UPF2: variants seen among roughly 807,000 people sequenced by gnomAD.
UPF2 encodes regulator of nonsense transcripts 2.
UPF2 carries 17 observed loss-of-function variants against 141.4 expected under a neutral mutation model. The ratio of observed to expected loss-of-function variants is 0.12; its 90% CI spans 0.08 to 0.18. UPF2 has a LOEUF of 0.18. Ranked by LOEUF, UPF2 falls within the 10% of genes least tolerant of loss-of-function variation. The probability of loss-of-function intolerance (pLI) is 1.00; values close to 1 mark genes in which losing one functional copy is unlikely to be tolerated. For synonymous variants in UPF2, 540 were observed against 498.0 expected, an observed-to-expected ratio of 1.08 and a Z score of -1.12; for missense variants, 1,152 against 1,515.9, an observed-to-expected ratio of 0.76 and a Z score of 3.99.
chr10:11,921,159 C>T lies in UPF2; in HGVS notation c.*139G>A. ...GGCTGGTGTTTCTGCCTCCTGGCCC[C>T]AGCCTGTCCCAGGTTTAGATTCGCA... On this transcript the variant is annotated 3_prime_UTR_variant, in exon 22 of 22. Coordinates refer to ENST00000357604, the MANE Select transcript of UPF2 (RefSeq NM_015542.4). This position sits in a 1 kb window ranked among gnomAD's most constrained non-coding sequence, Gnocchi z 5.9. The T allele has an allele frequency of 8.3e-7, 1 of 1,208,680 alleles. No individual in the cohort carries two copies. The highest frequency in any genetic ancestry group is 1.7e-5 in the Admixed American group (1 of 59,418). 74.9% of individuals were successfully genotyped at this position (1,208,680 alleles called of 1,614,324 possible).
At chr10:11,993,133 G>T (rs753951464) in intron 8 of UPF2, among the ~76,000 whole-genome samples, 50 of 128,514 alleles carry the variant, frequency 3.9e-4, no homozygotes, top group Non-Finnish European at 6.6e-4. Flanking sequence ...TTGGGTGACA[G>T]AGTGAGGCTC....
At chr10:12,043,077 G>C (rs887503823), upstream of UPF2, 2 of 152,356 alleles carry the variant, frequency 1.3e-5, no homozygotes, top group African/African-American at 4.8e-5. Flanking sequence ...AGGCTCATAT[G>C]AGTGCCATTC....
chr10:12,033,407 C>T (rs1190134540), intron 2 of UPF2, among the ~76,000 whole-genome samples: 1 of 151,972 alleles, frequency 6.6e-6, no homozygotes, highest in Non-Finnish European at 1.5e-5. Flanking sequence ...GTGGCACGCA[C>T]CTGTAGTTCC....
intron 8 of UPF2, among the ~76,000 whole-genome samples, chr10:11,987,974 C>T (rs987797710): frequency 2.0e-5 from 3 of 152,008 alleles, no homozygotes; most frequent in African/African-American, 7.3e-5. Flanking sequence ...GAAAAGACAA[C>T]TCAGAGGATG....
chr10:11,979,125 A>T lies in UPF2; in HGVS notation c.1885T>A (p.Leu629Met). Residue 629 changes from leucine to methionine, a missense_variant, in exon 9 of 22, where the codon TTG becomes ATG. This residue lies in a region of UPF2 where 739 missense variants were observed against 1,032.2 expected (regional missense o/e 0.72). Coordinates refer to ENST00000357604, the MANE Select transcript of UPF2 (RefSeq NM_015542.4). This position sits in a 1 kb window ranked among gnomAD's most constrained non-coding sequence, Gnocchi z 6.2. ...GCTACATCAGACATGCAGGGATGCA[A>T]TGTAGCAACCAATCTTGCATAAAAT... ...LPFYARLVATLHPCMSDVAED... is the reference protein window; with the variant it reads ...LPFYARLVATMHPCMSDVAED... 2 of 1,613,692 alleles carry T rather than the reference A, an allele frequency of 1.2e-6. No individual in the cohort carries two copies. Among genetic ancestry groups the T allele is most frequent in the Non-Finnish European group, 1.7e-6 (2 of 1,179,740 alleles).
At position 11,992,081 on chromosome 10, in the gene UPF2, T is replaced by C. The variant is rs1833789980; in HGVS notation, c.1844+5591A>G. 6.6e-6 allele frequency among the ~76,000 whole-genome samples: 1 copy of C among 151,962 alleles called. No individual in the cohort carries two copies. The highest frequency in any genetic ancestry group is 2.1e-4 in the South Asian group (1 of 4,820). ...GAATCGCTTGAACTGGAGGCAGAGG[T>C]TGCAGTGAGCCAAGATCGCGCCACT... On this transcript the variant is annotated intron_variant, in intron 8 of 21. Transcript: ENST00000357604. The surrounding 1 kb of genome is among the most constrained non-coding windows in gnomAD (Gnocchi z 4.1).
chr10:11,929,423 G>A (rs1198742924), intron 21 of UPF2, among the ~76,000 whole-genome samples: 1 of 152,182 alleles, frequency 6.6e-6, no homozygotes, highest in Non-Finnish European at 1.5e-5. Flanking sequence ...GATGGCTTGA[G>A]CTCAGGAGTT....
chr10:11,971,249 C>T lies in UPF2; in HGVS notation c.1954-3795G>A, dbSNP rs911988918. Among the ~76,000 whole-genome samples, 3 of 116,632 alleles carry T rather than the reference C, an allele frequency of 2.6e-5. No individual in the cohort carries two copies. The Admixed American group carries it at 3.4e-4, about 13-fold the overall frequency. 76.5% of individuals were successfully genotyped at this position (116,632 alleles called of 152,430 possible). On this transcript the variant is annotated intron_variant, in intron 9 of 21. Transcript: ENST00000357604. ...CTCCTCATTCAACATTTTTCACTCT[C>T]ATTTCTTTCTTTTTTTTTTTTTTTG...
rs1424301941 is a variant in UPF2, at chr10:11,931,310, T to G, written c.3688+331A>C. On this transcript the variant is annotated intron_variant, in intron 20 of 21. Coordinates refer to ENST00000357604, the MANE Select transcript of UPF2 (RefSeq NM_015542.4). The surrounding 1 kb of genome is among the most constrained non-coding windows in gnomAD (Gnocchi z 5.9). The stretch of plus-strand genomic sequence containing the variant: ...ATGAAATTGCCTAATGTCACATTTT[T>G]TAGAATGCATCCCTGTCATTAAGCA... Among the ~76,000 whole-genome samples the G allele has an allele frequency of 1.3e-5, 2 of 152,212 alleles. No homozygotes were observed. Among genetic ancestry groups the G allele is most frequent in the Non-Finnish European group, 2.9e-5 (2 of 68,022 alleles).
chr10:11,997,628 TAC>T (rs772066976), intron 8 of UPF2, 42 bp downstream of exon 8: 1 of 1,571,510 alleles, frequency 6.4e-7, no homozygotes, highest in Non-Finnish European at 8.7e-7. Context: ...CAGCCAGCAC[TAC>T]AGAGTAAAAA....
Position 11,921,103 on chromosome 10 carries a change from G to A in UPF2, c.*195C>T, listed in dbSNP as rs950484725. The A allele has an allele frequency of 1.4e-5, 11 of 806,388 alleles. No homozygotes were observed. Among genetic ancestry groups the A allele is most frequent in the Non-Finnish European group, 2.0e-5 (9 of 444,104 alleles). The allele number at this position is 806,388 out of a possible 1,614,324, so 50.0% of individuals were successfully genotyped here. ...ACAAAAGGCCTTTTCCGCCTTGTCTGGAAGCGTCGGCTTGTTCCGGTGTTG... is the reference window on the plus strand; with the variant it reads ...ACAAAAGGCCTTTTCCGCCTTGTCTAGAAGCGTCGGCTTGTTCCGGTGTTG... On this transcript the variant is annotated 3_prime_UTR_variant, in exon 22 of 22. Coordinates refer to ENST00000357604, the MANE Select transcript of UPF2 (RefSeq NM_015542.4). The surrounding 1 kb of genome is among the most constrained non-coding windows in gnomAD (Gnocchi z 5.9).
At chr10:11,969,541 ATG>A (rs373562744) in intron 9 of UPF2, among the ~76,000 whole-genome samples, 465 of 152,246 alleles carry the variant, frequency 3.1e-3, no homozygotes, top group African/African-American at 0.011. Context: ...ATAAAATAGA[ATG>A]TCTCATTTTT....
At position 11,940,422 on chromosome 10, in the gene UPF2, A is replaced by G. The variant is rs1832922698; in HGVS notation, c.3378+2243T>C. ...AATCATTTGTTCCGATGCTTTCAAT[A>G]TACTCTACCCATCACATTTCTGTTT... On this transcript the variant is annotated intron_variant, in intron 18 of 21. Coordinates refer to ENST00000357604, the MANE Select transcript of UPF2 (RefSeq NM_015542.4). This position sits in a 1 kb window ranked among gnomAD's most constrained non-coding sequence, Gnocchi z 4.2. Among the ~76,000 whole-genome samples the G allele has an allele frequency of 6.6e-6, 1 of 152,090 alleles. No individual in the cohort carries two copies. Among genetic ancestry groups the G allele is most frequent in the Admixed American group, 6.6e-5 (1 of 15,262 alleles).
intron 4 of UPF2, among the ~76,000 whole-genome samples, chr10:12,006,271 G>A (rs918887081): frequency 1.3e-5 from 2 of 152,142 alleles, no homozygotes; most frequent in Non-Finnish European, 2.9e-5. Context: ...ATTAGAGAAT[G>A]GAAAGTATGT....
At chr10:12,001,922 T>A in intron 5 of UPF2, 97 bp from the exon 6 acceptor site, 8 of 1,147,690 alleles carry the variant, frequency 7.0e-6, no homozygotes, top group Non-Finnish European at 8.3e-6. Flanking sequence ...CAGGTTCTTT[T>A]AGAAGCTGCA....
intron 9 of UPF2, among the ~76,000 whole-genome samples, chr10:11,975,830 T>G (rs894476416): frequency 6.6e-6 from 1 of 152,228 alleles, no homozygotes; most frequent in African/African-American, 2.4e-5. Flanking sequence ...AAAACGTTTT[T>G]GTAAACATCA....
chr10:11,929,702 TC>T (rs1832759360), intron 21 of UPF2, among the ~76,000 whole-genome samples, 162 bp downstream of exon 21: 1 of 152,174 alleles, frequency 6.6e-6, no homozygotes, highest in East Asian at 1.9e-4. Flanking sequence ...AGCAGGTTTT[TC>T]CCCCTCAAAT....
At chr10:12,003,517 C>A (rs1040785070) in intron 5 of UPF2, among the ~76,000 whole-genome samples, 1 of 152,046 alleles carries the variant, frequency 6.6e-6, no homozygotes, top group African/African-American at 2.4e-5. Flanking sequence ...TAATGGCAAA[C>A]CTGAGAGAAA....
intron 2 of UPF2, among the ~76,000 whole-genome samples, chr10:12,030,513 C>A (rs1834499772): frequency 6.6e-6 from 1 of 151,532 alleles, no homozygotes; most frequent in Admixed American, 6.6e-5. Context: ...GCACTCCAAC[C>A]TGGGCAACAG....
Sources: allele counts gnomAD v4.1 joint callset (sites outside exome capture counted in the v4.1 genomes callset), GRCh38; gene constraint gnomAD v4.1.1; regional missense constraint gnomAD v4.1.1; non-coding constraint Gnocchi (gnomAD v3.1); transcripts MANE v1.5; gene names NCBI Gene and HGNC (gene_info 2026-07-23, HGNC 2026-07-21).